The following ABCA6 variants were observed in gnomAD, a reference collection of about 807,000 sequenced individuals.
The protein encoded by ABCA6 is ATP binding cassette subfamily A member 6.
Under a neutral mutation model 191.2 loss-of-function variants are expected in ABCA6, and 164 were observed. The observed-to-expected ratio is 0.86, with a 90% CI of 0.76 to 0.98. The LOEUF (loss-of-function observed/expected upper bound fraction) is 0.98. Ranked by LOEUF, ABCA6 falls within the 50% of genes least tolerant of loss-of-function variation. The pLI, the probability that ABCA6 is intolerant of heterozygous loss-of-function variation, is 0.00. For missense variants in ABCA6, 1,958 were observed against 1,894.1 expected (o/e 1.03, Z -0.63); for synonymous variants, 636 against 647.7 (o/e 0.98, Z 0.27).
intron 33 of ABCA6, 24 bp downstream of exon 33, chr17:69,084,408 T>C (rs765583808): frequency 1.3e-5 from 21 of 1,613,896 alleles, no homozygotes; most frequent in African/African-American, 4.0e-5. Flanking sequence ...CAGCTCTCCA[T>C]AGAGCATCAC....
At chr17:69,140,551 G>A (rs1423648725) in intron 2 of ABCA6, 57 bp downstream of exon 2, 9 of 982,560 alleles carry the variant, frequency 9.2e-6, no homozygotes, top group Non-Finnish European at 1.3e-5. Flanking sequence ...AGAATCAGTA[G>A]GTAATGAAAC....
At chr17:69,126,520 T>C (rs1166875345) in intron 8 of ABCA6, among the ~76,000 whole-genome samples, 1 of 151,952 alleles carries the variant, frequency 6.6e-6, no homozygotes, top group Non-Finnish European at 1.5e-5. Context: ...TGGTGGTGTA[T>C]GTCTATAGTC....
At chr17:69,099,958 C>CT (rs2073138249) in intron 22 of ABCA6, among the ~76,000 whole-genome samples, 1 of 152,080 alleles carries the variant, frequency 6.6e-6, no homozygotes, top group South Asian at 2.1e-4. Flanking sequence ...TCTAATCCTG[C>CT]TTCTTGATGT....
rs200894860 is a variant in ABCA6 at position 69,112,287 on chromosome 17, A to G, written c.2042-14T>C. The G allele has an allele frequency of 3.8e-6, 6 of 1,591,868 alleles. No individual in the cohort carries two copies. The African/African-American group carries it at 5.4e-5, about 14-fold the overall frequency. ...TCACTTTTCTATCTGAATGAAAGAA[A>G]TCAAGGGAGAAAAGATATTGGGGGT... On this transcript the variant is annotated splice_polypyrimidine_tract_variant and intron_variant, in intron 15 of 38. Coordinates refer to ENST00000284425, the MANE Select transcript of ABCA6 (RefSeq NM_080284.3).
At chr17:69,086,205 T>C (rs942324342) in intron 30 of ABCA6, among the ~76,000 whole-genome samples, 1 of 152,114 alleles carries the variant, frequency 6.6e-6, no homozygotes, top group African/African-American at 2.4e-5. Flanking sequence ...ATAAATTAAA[T>C]ATGACACAAG....
chr17:69,100,418 G>C (rs907858128), intron 22 of ABCA6, among the ~76,000 whole-genome samples: 1 of 152,168 alleles, frequency 6.6e-6, no homozygotes, highest in African/African-American at 2.4e-5. Flanking sequence ...TACACATTTA[G>C]TCAATGGAGG....
At chr17:69,089,400 C>A in intron 27 of ABCA6, 65 bp downstream of exon 27, 1 of 1,464,754 alleles carries the variant, frequency 6.8e-7, no homozygotes, top group South Asian at 1.2e-5. Context: ...TGGACAAGAT[C>A]AAATTGTTAT....
rs1470401286 is a variant in ABCA6, at chr17:69,083,242, C to CG, written c.4444dup (p.Arg1482ProfsTer11). ...CCTTCCAGACACCATGATGGCCACA[C>CG]GGTCACACAAGGCTTCCGCCTCAGC... On this transcript the variant is annotated frameshift_variant, in exon 35 of 39. Coordinates refer to ENST00000284425, the MANE Select transcript of ABCA6 (RefSeq NM_080284.3). LOFTEE classifies it high-confidence loss of function. The CG allele has an allele frequency of 1.2e-6, 2 of 1,607,628 alleles. No individual in the cohort carries two copies. The highest frequency in any genetic ancestry group is 1.7e-6 in the Non-Finnish European group (2 of 1,178,230).
rs1319480733 is a variant in ABCA6, at chr17:69,110,844, C to G, written c.2229G>C (p.Lys743Asn). ...TTTCCAGTGGCAAAGTATATACAAGCTTTTCTTTGTTTTCTGTTTTTAATT... is the reference window on the plus strand; with the variant it reads ...TTTCCAGTGGCAAAGTATATACAAGGTTTTCTTTGTTTTCTGTTTTTAATT... The part of the protein sequence containing the change: ...DAKLKTENKE[K>N]LVYTLPLERT... The change falls in exon 17 of 39, where the codon AAG (lysine) becomes AAC (asparagine). Residue 743 changes from lysine to asparagine, a missense_variant. Physicochemically the swap from Lys to Asn is moderately conservative, Grantham distance 94. Transcript: ENST00000284425. 1 of 1,611,462 alleles carries G rather than the reference C, an allele frequency of 6.2e-7. No individual in the cohort carries two copies. Among genetic ancestry groups the G allele is most frequent in the Non-Finnish European group, 8.5e-7 (1 of 1,178,700 alleles).
chr17:69,106,233 AACAC>A (rs1568014434), intron 18 of ABCA6, 22 bp from the exon 19 acceptor site: 1 of 1,589,690 alleles, frequency 6.3e-7, no homozygotes, highest in Admixed American at 1.8e-5. Flanking sequence ...CACATACACA[AACAC>A]ACATATTATA....
intron 6 of ABCA6, among the ~76,000 whole-genome samples, 163 bp downstream of exon 6, chr17:69,133,478 T>C (rs1232139471): frequency 6.6e-6 from 1 of 152,212 alleles, no homozygotes; most frequent in Non-Finnish European, 1.5e-5. Flanking sequence ...ATAAGCACTA[T>C]TTTGCATGGC....
Position 69,106,099 on chromosome 17 carries a change from TC to T in ABCA6, c.2501del (p.Arg834LysfsTer13). Reference sequence around the variant, plus strand: ...GCCGTGCCATGGCAAAGACTTGCATTCTCCAGAGGCCCATGTCACTCACAGC... The same window carrying T: ...GCCGTGCCATGGCAAAGACTTGCATTTCCAGAGGCCCATGTCACTCACAGC... ...QTAVSDMGLW[R>X]MQVFAMARLR... On this transcript the variant is annotated frameshift_variant, in exon 19 of 39. Coordinates refer to ENST00000284425, the MANE Select transcript of ABCA6 (RefSeq NM_080284.3). LOFTEE classifies it high-confidence loss of function. The T allele has an allele frequency of 6.2e-7, 1 of 1,613,812 alleles. No individual in the cohort carries two copies. The highest frequency in any genetic ancestry group is 8.5e-7 in the Non-Finnish European group (1 of 1,179,858).
In ABCA6 at chr17:69,106,219, C is replaced by T. The variant is rs1174333402; in HGVS notation, c.2390-8G>A. 6.2e-7 allele frequency: 1 copy of T among 1,605,068 alleles called. No homozygotes were observed. ...TCTCCACTTGTTCGAAATCTATAAA[C>T]ACACACATACACAAACACACATATT... On this transcript the variant is annotated splice_region_variant and splice_polypyrimidine_tract_variant and intron_variant, in intron 18 of 38. Transcript: ENST00000284425.
In ABCA6 at chr17:69,112,280, G is replaced by A. The variant is rs2073438915; in HGVS notation, c.2042-7C>T. ...GACATGATCACTTTTCTATCTGAATGAAAGAAATCAAGGGAGAAAAGATAT... is the reference window on the plus strand; with the variant it reads ...GACATGATCACTTTTCTATCTGAATAAAAGAAATCAAGGGAGAAAAGATAT... On this transcript the variant is annotated splice_region_variant and splice_polypyrimidine_tract_variant and intron_variant, in intron 15 of 38. Transcript: ENST00000284425. 1.9e-6 allele frequency: 3 copies of A among 1,602,010 alleles called. No individual in the cohort carries two copies. Among genetic ancestry groups the A allele is most frequent in the Non-Finnish European group, 2.6e-6 (3 of 1,170,240 alleles).
At position 69,078,894 on chromosome 17, in the gene ABCA6, T is replaced by C; in HGVS notation, c.*79A>G. ...CCTGATGTTAATTTTAAATGATCTT[T>C]AAAATTAAACATACTATTAATTATT... is the stretch of plus-strand genomic sequence containing the variant. On this transcript the variant is annotated 3_prime_UTR_variant, in exon 39 of 39. Coordinates refer to ENST00000284425, the MANE Select transcript of ABCA6 (RefSeq NM_080284.3). The C allele has an allele frequency of 2.5e-6, 2 of 785,914 alleles. No individual in the cohort carries two copies. Among genetic ancestry groups the C allele is most frequent in the Non-Finnish European group, 3.8e-6 (2 of 528,150 alleles). The allele number at this position is 785,914 out of a possible 1,614,324, so 48.7% of individuals were successfully genotyped here.
At chr17:69,110,490 A>G in intron 17 of ABCA6, 1 of 254,940 alleles carries the variant, frequency 3.9e-6, no homozygotes, top group East Asian at 1.1e-4. Context: ...CAAAACGCTG[A>G]GCCCACTTAC....
rs778705135 is a variant in ABCA6, at chr17:69,134,714, A to G, written c.489T>C (p.Phe163=). Residue 163 remains phenylalanine, a synonymous_variant, in exon 5 of 39, where the codon TTT becomes TTC. Coordinates refer to ENST00000284425, the MANE Select transcript of ABCA6 (RefSeq NM_080284.3). Reference sequence around the variant, plus strand: ...TCCAGTATTTGGTCAATGTACATGAAAACTCACCATATCCATCCCAGCAAT... The same window carrying G: ...TCCAGTATTTGGTCAATGTACATGAGAACTCACCATATCCATCCCAGCAAT... ...SAHCWDGYGE[F]SCTLTKYWNR... 1 of 1,613,778 alleles carries G rather than the reference A, an allele frequency of 6.2e-7. No homozygotes were observed. Among genetic ancestry groups the G allele is most frequent in the South Asian group, 1.1e-5 (1 of 91,062 alleles).
intron 21 of ABCA6, among the ~76,000 whole-genome samples, chr17:69,102,161 C>A (rs2073195800): frequency 6.6e-6 from 1 of 152,112 alleles, no homozygotes; most frequent in Non-Finnish European, 1.5e-5. Context: ...GCCTGGCCAA[C>A]ATGATGAAAC....
In ABCA6 at chr17:69,096,307, T is replaced by C. The variant is rs757872689; in HGVS notation, c.3341A>G (p.Tyr1114Cys). 27 of 1,528,220 alleles carry C rather than the reference T, an allele frequency of 1.8e-5. No individual in the cohort carries two copies. The highest frequency in any genetic ancestry group is 2.4e-5 in the Non-Finnish European group (27 of 1,139,402). 94.7% of individuals were successfully genotyped at this position (1,528,220 alleles called of 1,614,324 possible). A position where few individuals can be genotyped will look rare whatever the true frequency, so the allele number is the denominator to read the frequency against. ...GYAASLVFFI[Y>C]MISFIFRKRR... is the part of the protein sequence containing the mutation. ...TTTGCGAAAAATAAATGATATCATA[T>C]ATATGAAGAAGACAAGAGAAGCTGC... is the stretch of plus-strand genomic sequence containing the variant. Residue 1114 changes from tyrosine to cysteine, a missense_variant, in exon 25 of 39, where the codon TAT becomes TGT. By Grantham distance (194) the Tyr-to-Cys change is radical. Coordinates refer to ENST00000284425, the MANE Select transcript of ABCA6 (RefSeq NM_080284.3).
Sources: allele counts gnomAD v4.1 joint callset (sites outside exome capture counted in the v4.1 genomes callset), GRCh38; gene constraint gnomAD v4.1.1; transcripts MANE v1.5; gene names NCBI Gene and HGNC (gene_info 2026-07-23, HGNC 2026-07-21).